ANKFY1: variants seen among roughly 807,000 people sequenced by gnomAD.
ANKFY1 encodes ankyrin repeat and FYVE domain containing 1.
ANKFY1 carries 47 observed loss-of-function variants against 128.3 expected under a neutral mutation model. That is an observed-to-expected ratio of 0.37 (90% confidence interval 0.29 to 0.47). The LOEUF is 0.47. Ranked by LOEUF, ANKFY1 falls within the 20% of genes least tolerant of loss-of-function variation. ANKFY1 has a pLI of 1.00. For missense variants in ANKFY1, 1,222 were observed against 1,510.6 expected, an observed-to-expected ratio of 0.81 and a Z score of 3.17; for synonymous variants, 553 against 601.6, an observed-to-expected ratio of 0.92 and a Z score of 1.18.
intron 8 of ANKFY1, 140 bp from the exon 9 acceptor site, chr17:4,195,611 C>A: frequency 1.4e-6 from 1 of 711,710 alleles, no homozygotes. Flanking sequence ...AAACCATGAC[C>A]CAGTATCAAA....
At position 4,181,079 on chromosome 17, in the gene ANKFY1, G is replaced by C. The variant is rs565791457; in HGVS notation, c.2240+175C>G. 1 of 576,330 alleles carries C rather than the reference G, an allele frequency of 1.7e-6. No homozygotes were observed. Among genetic ancestry groups the C allele is most frequent in the African/African-American group, 1.9e-5 (1 of 53,710 alleles). 35.7% of individuals were successfully genotyped at this position (576,330 alleles called of 1,614,324 possible). ...GCTGTGAGCTCCTCCCGTCACAAGT[G>C]AGCCTGGCTCCTGGCTGACTTGACA... On this transcript the variant is annotated intron_variant, in intron 16 of 24. Transcript: ENST00000341657. This position sits in a 1 kb window ranked among gnomAD's most constrained non-coding sequence, Gnocchi z 4.9.
rs535214931 is a variant in ANKFY1 at position 4,212,811 on chromosome 17, G to A, written c.459-2864C>T. ...TTTTGAGACGGAGTCTACCTTTGTC[G>A]CCAGGCTGGAGTGCAGTGACATGAT... On this transcript the variant is annotated intron_variant, in intron 4 of 24. Coordinates refer to ENST00000341657, the MANE Select transcript of ANKFY1 (RefSeq NM_001330063.2). 3.2e-3 allele frequency among the ~76,000 whole-genome samples: 450 copies of A among 142,284 alleles called. 2 individuals are homozygous for A. Among genetic ancestry groups the A allele is most frequent in the African/African-American group, 0.011 (414 of 38,300 alleles). 93.3% of individuals were successfully genotyped at this position (142,284 alleles called of 152,430 possible).
In ANKFY1 at chr17:4,167,996, C is replaced by CT. The variant is rs768940278; in HGVS notation, c.3378-86dup. The CT allele has an allele frequency of 4.1e-6, 6 of 1,480,020 alleles. No homozygotes were observed. The highest frequency in any genetic ancestry group is 4.7e-5 in the East Asian group (2 of 43,000). 91.7% of individuals were successfully genotyped at this position (1,480,020 alleles called of 1,614,324 possible). The stretch of plus-strand genomic sequence containing the variant: ...CACGTGAGGACAACCGCAGCAGGGC[C>CT]TGGCAGCCAAGGCGCCCGCAATGCT... On this transcript the variant is annotated intron_variant, in intron 24 of 24. Transcript: ENST00000341657. The surrounding 1 kb of genome is among the most constrained non-coding windows in gnomAD (Gnocchi z 4.1).
At chr17:4,199,227 CG>C (rs2059883481) in intron 7 of ANKFY1, among the ~76,000 whole-genome samples, 1 of 152,210 alleles carries the variant, frequency 6.6e-6, no homozygotes, top group African/African-American at 2.4e-5. Flanking sequence ...GTCTCACCCC[CG>C]CCACCCAGGC....
In ANKFY1 at chr17:4,183,567, C is replaced by T. The variant is rs191752896; in HGVS notation, c.1799-16G>A. The T allele has an allele frequency of 1.5e-4, 234 of 1,609,668 alleles. No individual in the cohort carries two copies. The African/African-American group carries it at 2.8e-3, about 19-fold the overall frequency. ...GTGTGCATGCCTGGGAAACAAGCCC[C>T]GATCTCATCCAGGCTCGGCTTTTCC... On this transcript the variant is annotated splice_polypyrimidine_tract_variant and intron_variant, in intron 13 of 24. Transcript: ENST00000341657.
chr17:4,260,496 C>T (rs954064938), intron 1 of ANKFY1, among the ~76,000 whole-genome samples: 3 of 151,582 alleles, frequency 2.0e-5, no homozygotes, highest in Non-Finnish European at 2.9e-5. Flanking sequence ...TGCACATCTG[C>T]ACTCCCAGCT....
At position 4,166,371 on chromosome 17, in the gene ANKFY1, G is replaced by A. The variant is rs745410223; in HGVS notation, c.*1408C>T. 2.3e-4 allele frequency: 35 copies of A among 152,644 alleles called. No homozygotes were observed. Among genetic ancestry groups the A allele is most frequent in the Admixed American group, 1.5e-3 (23 of 15,284 alleles). 9.5% of individuals were successfully genotyped at this position (152,644 alleles called of 1,614,324 possible). A position where few individuals can be genotyped will look rare whatever the true frequency, so the allele number is the denominator to read the frequency against. ...ATTAAATGTCTGAAAGAATCAGTATGTATGATTGAGATTGTTAATCTCTGA... is the reference window on the plus strand; with the variant it reads ...ATTAAATGTCTGAAAGAATCAGTATATATGATTGAGATTGTTAATCTCTGA... On this transcript the variant is annotated 3_prime_UTR_variant, in exon 25 of 25. Transcript: ENST00000341657.
intron 5 of ANKFY1, among the ~76,000 whole-genome samples, chr17:4,209,369 C>T (rs1165885498): frequency 6.6e-6 from 1 of 152,172 alleles, no homozygotes; most frequent in Non-Finnish European, 1.5e-5. Context: ...GGCGCGATCT[C>T]AGTTCACCGC....
rs746703606 is a variant in ANKFY1 at position 4,263,936 on chromosome 17, C to T, written c.6G>A (p.Ala2=). ...GGCTCCACAAAAAAACCCTACCTTC[C>T]GCCATGTCTGGCCCGGCACTGCCTG... M[A]EEEVAKLEKH... Residue 2 remains alanine (A), a synonymous_variant, in exon 1 of 25, where the codon GCG becomes GCA. Coordinates refer to ENST00000341657, the MANE Select transcript of ANKFY1 (RefSeq NM_001330063.2). The T allele has an allele frequency of 2.0e-5, 32 of 1,613,884 alleles. No individual in the cohort carries two copies. In the Admixed American group the frequency reaches 5.3e-4, roughly 27 times the overall value.
chr17:4,190,122 T>C (rs972451787), intron 10 of ANKFY1, among the ~76,000 whole-genome samples: 24 of 152,198 alleles, frequency 1.6e-4, no homozygotes, highest in Admixed American at 7.9e-4. Context: ...GGCAGCATCC[T>C]CTGAACTTAA....
intron 24 of ANKFY1, among the ~76,000 whole-genome samples, chr17:4,168,380 G>A (rs535832189): frequency 5.9e-5 from 9 of 152,276 alleles, no homozygotes; most frequent in East Asian, 3.9e-4. Flanking sequence ...TTGAACCCGC[G>A]AAGTGGAGAT....
At chr17:4,186,949 C>T in intron 11 of ANKFY1, 1 of 1,181,614 alleles carries the variant, frequency 8.5e-7, no homozygotes, top group Non-Finnish European at 1.0e-6. Context: ...CACACAGGCT[C>T]CTCCTCCTGG....
intron 1 of ANKFY1, 106 bp from the exon 2 acceptor site, chr17:4,242,554 C>T: frequency 2.1e-6 from 2 of 965,472 alleles, no homozygotes; most frequent in Non-Finnish European, 1.5e-6. Flanking sequence ...TGACTGGCCA[C>T]TTGACCGTTC....
At chr17:4,187,271 T>C in intron 11 of ANKFY1, 1 of 398,780 alleles carries the variant, frequency 2.5e-6, no homozygotes, top group Non-Finnish European at 4.4e-6. Flanking sequence ...AGACTGATTC[T>C]GCAATTCCTG....
intron 1 of ANKFY1, among the ~76,000 whole-genome samples, chr17:4,256,156 C>T (rs1455850973): frequency 7.3e-5 from 11 of 149,746 alleles, no homozygotes; most frequent in African/African-American, 1.7e-4. Context: ...TGGCCAGGCG[C>T]GGTGGCTCAT....
chr17:4,197,425 C>T lies in ANKFY1; in HGVS notation c.1051G>A (p.Glu351Lys). 1.2e-6 allele frequency: 2 copies of T among 1,614,214 alleles called. No individual in the cohort carries two copies. The highest frequency in any genetic ancestry group is 1.7e-6 in the Non-Finnish European group (2 of 1,180,038). ...DVMSEMAQIA[E>K]ALLQAGANPN... ...TTGGCACCAGCCTGCAGAAGGGCCT[C>T]TGCAATCTGCGCCATCTCAGACATC... Residue 351 changes from glutamate to lysine, a missense_variant, in exon 8 of 25, where the codon GAG (glutamate) becomes AAG (lysine). Transcript: ENST00000341657.
At chr17:4,246,941 G>A (rs544539789) in intron 1 of ANKFY1, among the ~76,000 whole-genome samples, 19 of 151,904 alleles carry the variant, frequency 1.3e-4, no homozygotes, top group South Asian at 4.2e-4. Flanking sequence ...GTGAAACCCC[G>A]TCTCTACAAA....
chr17:4,206,045 T>A (rs1165858406), intron 7 of ANKFY1, among the ~76,000 whole-genome samples: 5 of 152,240 alleles, frequency 3.3e-5, no homozygotes. Context: ...ACATATCAAG[T>A]GCTTACAAGT....
rs2060286131 is a variant in ANKFY1, at chr17:4,220,184, TA to T, written c.323-3067del. On this transcript the variant is annotated intron_variant, in intron 3 of 24. Coordinates refer to ENST00000341657, the MANE Select transcript of ANKFY1 (RefSeq NM_001330063.2). ...AACATTTTAACACCAGACAGAAAAC[TA>T]ATTAGATTTATTTAAACAACCTAGG... 2.6e-5 allele frequency among the ~76,000 whole-genome samples: 4 copies of T among 152,332 alleles called. 1 individual carries two copies. In the South Asian group the frequency reaches 8.3e-4, roughly 32 times the overall value.
Sources: gnomAD v4.1 joint callset for allele counts (sites outside exome capture counted in the v4.1 genomes callset) on GRCh38, gnomAD v4.1.1 for gene constraint, Gnocchi (gnomAD v3.1) non-coding constraint, MANE v1.5 for transcripts, NCBI Gene and HGNC (gene_info 2026-07-23, HGNC 2026-07-21) for gene names.